Variants in CDH9 observed in about 807,000 individuals in gnomAD.
CDH9 encodes the protein cadherin 9, also known as cadherin-9.
CDH9 carries 28 observed loss-of-function variants against 70.9 expected under a neutral mutation model. That is an observed-to-expected ratio of 0.40 (90% CI 0.29 to 0.54). The LOEUF is 0.54. Ranked by LOEUF, CDH9 falls within the 20% of genes least tolerant of loss-of-function variation. The pLI is 0.59. For missense variants in CDH9, 874 were observed against 984.4 expected (o/e 0.89, Z 1.50); for synonymous variants, 409 against 343.1 (o/e 1.19, Z -2.12).
chr5:27,034,082 T>C (rs2112138653), intron 1 of CDH9, among the ~76,000 whole-genome samples: 1 of 151,878 alleles, frequency 6.6e-6, no homozygotes, highest in Admixed American at 6.6e-5. Flanking sequence ...ATATATAAAG[T>C]ATGTCGACTG....
chr5:26,983,944 C>A (rs1742446822), intron 2 of CDH9, among the ~76,000 whole-genome samples: 1 of 152,078 alleles, frequency 6.6e-6, no homozygotes, highest in Non-Finnish European at 1.5e-5. Context: ...ACTTAGTGCA[C>A]AAACTAGCAT....
At chr5:27,016,433 A>G (rs1743048040) in intron 1 of CDH9, among the ~76,000 whole-genome samples, 1 of 151,848 alleles carries the variant, frequency 6.6e-6, no homozygotes. Context: ...AGTATGCCAT[A>G]AATTCAGAAA....
intron 2 of CDH9, among the ~76,000 whole-genome samples, chr5:26,948,551 C>T (rs936707614): frequency 6.6e-6 from 1 of 152,120 alleles, no homozygotes; most frequent in African/African-American, 2.4e-5. Flanking sequence ...TGTCACCTTT[C>T]CTGATCATGT....
At position 26,902,713 on chromosome 5, in the gene CDH9, T is replaced by C. The variant is rs1740878450; in HGVS notation, c.1016A>G (p.Asn339Ser). Residue 339 changes from asparagine (N) to serine (S), a missense_variant, in exon 7 of 12, where the codon AAT (asparagine) becomes AGT (serine). Transcript: ENST00000231021. ...CACTCTTAAAGTATAGAGCATTTGA[T>C]TTTCAAAATCTAAATTCTGGAGTTA... ...ITVKQNLDFE[N>S]QMLYTLRVDA... is the part of the protein sequence containing the mutation. 1.9e-6 allele frequency: 3 copies of C among 1,557,418 alleles called. No individual in the cohort carries two copies. The highest frequency in any genetic ancestry group is 3.4e-5 in the Admixed American group (2 of 59,296).
intron 2 of CDH9, among the ~76,000 whole-genome samples, chr5:26,933,746 C>T (rs1333318382): frequency 2.0e-5 from 3 of 151,624 alleles, no homozygotes; most frequent in Non-Finnish European, 4.4e-5. Context: ...AGCCACTGCA[C>T]TCCAGCCAGG....
chr5:27,019,270 C>T (rs543232113), intron 1 of CDH9, among the ~76,000 whole-genome samples: 13 of 151,968 alleles, frequency 8.6e-5, no homozygotes, highest in Non-Finnish European at 1.8e-4. Context: ...AATGGAGATG[C>T]AGATATTAAT....
chr5:26,952,674 A>T (rs1741872687), intron 2 of CDH9, among the ~76,000 whole-genome samples: 1 of 145,572 alleles, frequency 6.9e-6, no homozygotes, highest in Non-Finnish European at 1.5e-5. Flanking sequence ...AAAAGAGGTG[A>T]TTGGGTCATG....
At chr5:27,015,060 T>G (rs892412524) in intron 1 of CDH9, among the ~76,000 whole-genome samples, 7 of 151,914 alleles carry the variant, frequency 4.6e-5, no homozygotes, top group African/African-American at 1.7e-4. Context: ...AATTTGAATG[T>G]TATCTTTCAC....
intron 3 of CDH9, among the ~76,000 whole-genome samples, chr5:26,909,536 CTTT>C (rs200596019): frequency 7.1e-6 from 1 of 140,292 alleles, no homozygotes; most frequent in Non-Finnish European, 1.6e-5. Flanking sequence ...CATTTTTTTT[CTTT>C]TTTTTTTTTA....
chr5:26,954,575 G>A (rs1741912884), intron 2 of CDH9, among the ~76,000 whole-genome samples: 1 of 151,390 alleles, frequency 6.6e-6, no homozygotes, highest in Non-Finnish European at 1.5e-5. Context: ...CAGTAGAGAC[G>A]GGGTTTCACC....
At chr5:26,977,485 GTATATATATA>G (rs775423954) in intron 2 of CDH9, among the ~76,000 whole-genome samples, 784 of 68,842 alleles carry the variant, frequency 0.011, 22 homozygotes, top group African/African-American at 0.071. Flanking sequence ...GTGTGTGTGT[GTATATATATA>G]TATATATATA....
intron 2 of CDH9, among the ~76,000 whole-genome samples, chr5:26,959,133 T>C (rs930838213): frequency 2.6e-5 from 4 of 152,146 alleles, no homozygotes; most frequent in African/African-American, 9.7e-5. Context: ...ATTCATAATA[T>C]ATAAAGAACT....
intron 2 of CDH9, among the ~76,000 whole-genome samples, chr5:26,957,567 A>C (rs1368913702): frequency 1.1e-4 from 16 of 152,008 alleles, no homozygotes. Context: ...GAGGCTGAGG[A>C]AGGAGAATTG....
At chr5:26,902,003 A>AT (rs1034246028) in intron 7 of CDH9, among the ~76,000 whole-genome samples, 4 of 151,786 alleles carry the variant, frequency 2.6e-5, no homozygotes, top group South Asian at 4.1e-4. Flanking sequence ...CTAGGAAAAC[A>AT]TTTTTTTCTA....
intron 1 of CDH9, among the ~76,000 whole-genome samples, chr5:26,995,110 AAC>A (rs1170095518): frequency 6.6e-6 from 1 of 152,204 alleles, no homozygotes; most frequent in African/African-American, 2.4e-5. Context: ...GTTTAAATGT[AAC>A]ACATATAGTG....
At chr5:27,035,683 T>C (rs1579526400) in intron 1 of CDH9, among the ~76,000 whole-genome samples, 2 of 48,068 alleles carry the variant, frequency 4.2e-5, no homozygotes, top group African/African-American at 1.5e-4. Flanking sequence ...GACGTGTGTG[T>C]GTGTGTGTGT....
At chr5:27,010,205 T>G (rs1206676056) in intron 1 of CDH9, among the ~76,000 whole-genome samples, 1 of 152,062 alleles carries the variant, frequency 6.6e-6, no homozygotes, top group Non-Finnish European at 1.5e-5. Context: ...AACATTACAC[T>G]CTTTGAACAG....
At chr5:27,018,065 C>T (rs1743076768) in intron 1 of CDH9, among the ~76,000 whole-genome samples, 1 of 151,612 alleles carries the variant, frequency 6.6e-6, no homozygotes, top group Non-Finnish European at 1.5e-5. Flanking sequence ...GGCTGAAAGA[C>T]ACAAATCATA....
chr5:26,947,669 C>A (rs1390774732), intron 2 of CDH9, among the ~76,000 whole-genome samples: 2 of 152,112 alleles, frequency 1.3e-5, no homozygotes, highest in East Asian at 3.9e-4. Flanking sequence ...AAGGAAAGAG[C>A]AGCACCGTGA....
Sources: allele counts gnomAD v4.1 joint callset (sites outside exome capture counted in the v4.1 genomes callset), GRCh38; gene constraint gnomAD v4.1.1; transcripts MANE v1.5; gene names NCBI Gene and HGNC (gene_info 2026-07-23, HGNC 2026-07-21).